SLK: variants seen among roughly 807,000 people sequenced by gnomAD.
The protein encoded by SLK is STE20-like serine/threonine-protein kinase.
A neutral mutation model predicts 147.7 loss-of-function variants in SLK; 67 were observed. That is an observed-to-expected ratio of 0.45 (90% CI 0.37 to 0.56). The LOEUF is 0.56. Among genes scored for constraint, SLK ranks in the 20% least tolerant of loss-of-function variants. The pLI is 0.00. For synonymous variants in SLK, 441 were observed against 475.0 expected (o/e 0.93, Z 0.93); for missense variants, 1,136 against 1,438.8 (o/e 0.79, Z 3.41).
intron 1 of SLK, among the ~76,000 whole-genome samples, chr10:103,970,857 G>C (rs1468757479): frequency 2.6e-5 from 4 of 152,142 alleles, no homozygotes; most frequent in African/African-American, 9.7e-5. Flanking sequence ...AAGTGTTTTG[G>C]ATTTTGGAAT....
Position 104,008,302 on chromosome 10 carries a change from A to G in SLK, c.2730A>G (p.Glu910=). ...LRDEAKRIKG[E]QEKELSKFQN... ...ATGAAGCCAAACGCATCAAAGGAGAACAAGAGAAAGAGTTGTCCAAATTTC... is the reference window on the plus strand; with the variant it reads ...ATGAAGCCAAACGCATCAAAGGAGAGCAAGAGAAAGAGTTGTCCAAATTTC... Residue 910 remains glutamate (E), a synonymous_variant, in exon 12 of 19, where the codon GAA becomes GAG. Transcript: ENST00000369755. 1.2e-6 allele frequency: 2 copies of G among 1,613,978 alleles called. No individual in the cohort carries two copies. The highest frequency in any genetic ancestry group is 1.7e-6 in the Non-Finnish European group (2 of 1,179,928).
intron 13 of SLK, among the ~76,000 whole-genome samples, chr10:104,014,242 T>C (rs1275282780): frequency 6.6e-6 from 1 of 152,244 alleles, no homozygotes; most frequent in Non-Finnish European, 1.5e-5. Context: ...ATGTTAAAAG[T>C]AGTGATTTTC....
chr10:103,994,362 G>A (rs1328835540), intron 4 of SLK, among the ~76,000 whole-genome samples: 1 of 152,078 alleles, frequency 6.6e-6, no homozygotes, highest in Non-Finnish European at 1.5e-5. Context: ...ATTTTATCCT[G>A]ACTTTTATAT....
Position 104,002,572 on chromosome 10 carries a change from A to G in SLK, c.1394A>G (p.His465Arg), listed in dbSNP as rs145891003. The G allele has an allele frequency of 1.1e-4, 170 of 1,604,740 alleles. 2 individuals are homozygous for G. In the South Asian group the frequency reaches 1.6e-3, roughly 15 times the overall value. The change falls in exon 9 of 19, where the codon CAT (histidine) becomes CGT (arginine). Residue 465 changes from histidine to arginine, a missense_variant. Coordinates refer to ENST00000369755, the MANE Select transcript of SLK (RefSeq NM_014720.4). The stretch of plus-strand genomic sequence containing the variant: ...ATAACCTTAGAAACAAATATTGAAC[A>G]TAATCTAAAATCTGAGGAAGAAAAG... ...IMITLETNIE[H>R]NLKSEEEKDQ...
intron 12 of SLK, 69 bp from the exon 13 acceptor site, chr10:104,010,747 C>A: frequency 2.1e-6 from 2 of 959,906 alleles, no homozygotes; most frequent in South Asian, 2.1e-5. Context: ...TGTAGCTTAT[C>A]TGCTCTCATA....
chr10:104,020,482 T>G lies in SLK; in HGVS notation c.3322-6T>G. 6 of 1,609,420 alleles carry G rather than the reference T, an allele frequency of 3.7e-6. No homozygotes were observed. The highest frequency in any genetic ancestry group is 5.1e-6 in the Non-Finnish European group (6 of 1,177,952). On this transcript the variant is annotated splice_region_variant and splice_polypyrimidine_tract_variant and intron_variant, in intron 16 of 18. Transcript: ENST00000369755. The stretch of plus-strand genomic sequence containing the variant: ...ACTATAGTTTATCTTTTTTTCTTAT[T>G]TATAGTTTGCTGCACAAGAAGAAAA...
At chr10:104,018,336 A>G (rs1203460150) in intron 14 of SLK, 47 bp downstream of exon 14, 1 of 1,537,820 alleles carries the variant, frequency 6.5e-7, no homozygotes, top group Non-Finnish European at 8.9e-7. Context: ...AGAATTCCTT[A>G]TGACAGTAGA....
At position 104,002,982 on chromosome 10, in the gene SLK, A is replaced by G. The variant is rs752385454; in HGVS notation, c.1804A>G (p.Ile602Val). The G allele has an allele frequency of 1.9e-6, 3 of 1,613,814 alleles. No individual in the cohort carries two copies. The South Asian group carries it at 3.3e-5, about 18-fold the overall frequency. ...PEAGGTKEVP[I>V]KEIVEMNEIE... is the part of the protein sequence containing the mutation. ...GGCTGGTGGTACTAAGGAAGTTCCT[A>G]TTAAAGAAATAGTTGAAATGAATGA... The change falls in exon 9 of 19, where the codon ATT becomes GTT. Residue 602 changes from isoleucine to valine, a missense_variant. By Grantham distance (29) the Ile-to-Val change is conservative. This residue lies in a region of SLK where 516 missense variants were observed against 531.3 expected (regional missense o/e 0.97). Coordinates refer to ENST00000369755, the MANE Select transcript of SLK (RefSeq NM_014720.4).
intron 4 of SLK, among the ~76,000 whole-genome samples, chr10:103,998,260 A>T (rs1157669542): frequency 6.6e-6 from 1 of 152,214 alleles, no homozygotes; most frequent in Non-Finnish European, 1.5e-5. Flanking sequence ...GAATTGTCGC[A>T]TCAAATGTGA....
At chr10:103,979,770 G>A (rs1843917723) in intron 1 of SLK, among the ~76,000 whole-genome samples, 1 of 151,964 alleles carries the variant, frequency 6.6e-6, no homozygotes, top group South Asian at 2.1e-4. Flanking sequence ...TCCTTTGTCC[G>A]TTATATATGA....
At chr10:103,996,386 AT>A (rs1163321923) in intron 4 of SLK, among the ~76,000 whole-genome samples, 182 of 117,702 alleles carry the variant, frequency 1.5e-3, no homozygotes, top group African/African-American at 5.4e-3. Context: ...TCTAATAAAT[AT>A]TTTTTTTCTT....
chr10:104,006,112 A>G (rs1408895995), intron 11 of SLK, 77 bp downstream of exon 11: 21 of 1,420,052 alleles, frequency 1.5e-5, no homozygotes, highest in South Asian at 6.5e-5. Context: ...ACAGACAAAC[A>G]AAAAAGGTTG....
chr10:104,009,887 C>T (rs770845382), intron 12 of SLK, among the ~76,000 whole-genome samples: 26 of 151,990 alleles, frequency 1.7e-4, no homozygotes, highest in Non-Finnish European at 3.2e-4. Flanking sequence ...TTTAAATACA[C>T]GATGTTAAAT....
chr10:104,021,819 CAGT>C (rs973441679), intron 18 of SLK, 86 bp downstream of exon 18: 48 of 722,684 alleles, frequency 6.6e-5, no homozygotes, highest in Middle Eastern at 2.4e-4. Flanking sequence ...GTGTCAGGTA[CAGT>C]GTCAGGGGCA....
chr10:103,989,676 G>T lies in SLK; in HGVS notation c.151-999G>T, dbSNP rs180749516. ...GTAGAGACGGGGTTTCACCATGTTA[G>T]CCAGGATGGTCTCGATCTCCTGACT... On this transcript the variant is annotated intron_variant, in intron 1 of 18. Coordinates refer to ENST00000369755, the MANE Select transcript of SLK (RefSeq NM_014720.4). Among the ~76,000 whole-genome samples the T allele has an allele frequency of 1.8e-3, 276 of 152,138 alleles. 1 individual carries two copies. Among genetic ancestry groups the T allele is most frequent in the Middle Eastern group, 0.014 (4 of 294 alleles).
chr10:103,989,464 CTTTTTTT>C (rs68033075), intron 1 of SLK, among the ~76,000 whole-genome samples: 4 of 78,618 alleles, frequency 5.1e-5, no homozygotes, highest in African/African-American at 2.1e-4. Context: ...GTGGCAGTTT[CTTTTTTT>C]TTTTTTTTTT....
rs1844498955 is a variant in SLK at position 104,018,882 on chromosome 10, C to T, written c.3106C>T (p.His1036Tyr). 1 of 1,603,040 alleles carries T rather than the reference C, an allele frequency of 6.2e-7. No homozygotes were observed. Among genetic ancestry groups the T allele is most frequent in the Admixed American group, 1.7e-5 (1 of 57,146 alleles). ...TAAAGATCAGTATTTCATGCAAAGA[C>T]ATCAGCTACTTAAGCGCCACGAGAA... ...QLKDQYFMQR[H>Y]QLLKRHEKET... is the part of the protein sequence containing the mutation. The change falls in exon 15 of 19, where the codon CAT becomes TAT. Residue 1036 changes from histidine (H) to tyrosine (Y), a missense_variant. Coordinates refer to ENST00000369755, the MANE Select transcript of SLK (RefSeq NM_014720.4).
intron 9 of SLK, 134 bp from the exon 10 acceptor site, chr10:104,005,427 C>CT (rs1844311597): frequency 1.4e-6 from 1 of 720,890 alleles, no homozygotes; most frequent in Non-Finnish European, 2.2e-6. Context: ...TATATTTATA[C>CT]TTTCTATGTG....
At chr10:104,021,269 C>A (rs1350595263) in intron 17 of SLK, among the ~76,000 whole-genome samples, 1 of 152,204 alleles carries the variant, frequency 6.6e-6, no homozygotes, top group Non-Finnish European at 1.5e-5. Context: ...ATTAGGCCAA[C>A]CCTTTAGTAC....
Sources: allele counts gnomAD v4.1 joint callset (sites outside exome capture counted in the v4.1 genomes callset), GRCh38; gene constraint gnomAD v4.1.1; regional missense constraint gnomAD v4.1.1; transcripts MANE v1.5; gene names NCBI Gene and HGNC (gene_info 2026-07-23, HGNC 2026-07-21).